RUNDC3B: variants seen among roughly 807,000 people sequenced by gnomAD.
RUNDC3B encodes the protein RUN domain containing 3B, also known as RUN domain-containing protein 3B.
In RUNDC3B, 33 loss-of-function variants were observed where a neutral mutation model predicts 58.4. The ratio of observed to expected loss-of-function variants is 0.56; its 90% CI spans 0.43 to 0.75. RUNDC3B has a LOEUF of 0.75. Among genes scored for constraint, RUNDC3B ranks in the 30% least tolerant of loss-of-function variants. RUNDC3B has a pLI of 0.00. For missense variants in RUNDC3B, 501 were observed against 535.7 expected (o/e 0.94, Z 0.64); for synonymous variants, 193 against 195.2 (o/e 0.99, Z 0.10).
intron 8 of RUNDC3B, among the ~76,000 whole-genome samples, chr7:87,779,941 T>C (rs1584189188): frequency 1.3e-5 from 2 of 152,220 alleles, no homozygotes; most frequent in Admixed American, 1.3e-4. Flanking sequence ...GCTGCATCCA[T>C]GTTGCTGCAA....
At chr7:87,812,807 A>G (rs2130943927) in intron 9 of RUNDC3B, among the ~76,000 whole-genome samples, 1 of 152,336 alleles carries the variant, frequency 6.6e-6, no homozygotes, top group African/African-American at 2.4e-5. Context: ...AGTTACTTGC[A>G]ATCTTACTGT....
intron 1 of RUNDC3B, among the ~76,000 whole-genome samples, chr7:87,640,194 A>G (rs1017307226): frequency 1.2e-4 from 18 of 144,698 alleles, no homozygotes; most frequent in Admixed American, 3.4e-4. Context: ...ATATATGTGT[A>G]TATATATATA....
chr7:87,644,383 A>G (rs1050235561), intron 1 of RUNDC3B, among the ~76,000 whole-genome samples: 2 of 152,140 alleles, frequency 1.3e-5, no homozygotes, highest in South Asian at 4.1e-4. Flanking sequence ...TAATTACCTC[A>G]CCCCTGTGTT....
chr7:87,781,492 T>G lies in RUNDC3B; in HGVS notation c.956+3537T>G, dbSNP rs543908225. Among the ~76,000 whole-genome samples, 5 of 152,236 alleles carry G rather than the reference T, an allele frequency of 3.3e-5. No individual in the cohort carries two copies. In the East Asian group the frequency reaches 9.6e-4, roughly 29 times the overall value. ...GCTTTTTATTTCTTTCTTTTTCCTATTGCTCTGGCTAGGACTTCTAGTACT... is the reference window on the plus strand; with the variant it reads ...GCTTTTTATTTCTTTCTTTTTCCTAGTGCTCTGGCTAGGACTTCTAGTACT... On this transcript the variant is annotated intron_variant, in intron 8 of 10. Transcript: ENST00000394654.
intron 4 of RUNDC3B, among the ~76,000 whole-genome samples, chr7:87,734,797 C>T (rs1831824961): frequency 6.6e-6 from 1 of 152,102 alleles, no homozygotes. Context: ...ACTCCATCTC[C>T]CAGCTACTTC....
intron 7 of RUNDC3B, among the ~76,000 whole-genome samples, chr7:87,774,432 C>G (rs914816125): frequency 1.3e-5 from 2 of 151,330 alleles, no homozygotes; most frequent in Non-Finnish European, 3.0e-5. Flanking sequence ...TTAACAAAAC[C>G]AAGAGATAAT....
Position 87,750,161 on chromosome 7 carries a change from G to C in RUNDC3B, c.629+8582G>C, listed in dbSNP as rs1349062927. Among the ~76,000 whole-genome samples, 4 of 152,010 alleles carry C rather than the reference G, an allele frequency of 2.6e-5. No homozygotes were observed. The South Asian group carries it at 6.2e-4, about 24-fold the overall frequency. The stretch of plus-strand genomic sequence containing the variant: ...TTTTGTTCTTGCGATAGTTTACTGA[G>C]AATGATGATTTCCAATTTCATCCAT... On this transcript the variant is annotated intron_variant, in intron 6 of 10. Transcript: ENST00000394654.
In RUNDC3B at chr7:87,739,831, G is replaced by A. The variant is rs750646389; in HGVS notation, c.499G>A (p.Ala167Thr). ...EDGAIVLGEEANMLAGMLLGL... is the reference protein window; with the variant it reads ...EDGAIVLGEETNMLAGMLLGL... Reference sequence around the variant, plus strand: ...TGGAGCAATTGTCTTGGGTGAAGAAGCAAATATGCTTGCTGGCATGCTTCT... The same window carrying A: ...TGGAGCAATTGTCTTGGGTGAAGAAACAAATATGCTTGCTGGCATGCTTCT... Residue 167 changes from alanine to threonine, a missense_variant, in exon 5 of 11, where the codon GCA (alanine) becomes ACA (threonine). Physicochemically the swap from Ala to Thr is moderately conservative, Grantham distance 58. Coordinates refer to ENST00000394654, the MANE Select transcript of RUNDC3B (RefSeq NM_001134405.2). The A allele has an allele frequency of 6.3e-7, 1 of 1,599,102 alleles. No homozygotes were observed. The highest frequency in any genetic ancestry group is 1.7e-5 in the Admixed American group (1 of 59,846).
intron 4 of RUNDC3B, among the ~76,000 whole-genome samples, chr7:87,724,766 T>G (rs763039564): frequency 6.6e-6 from 1 of 152,110 alleles, no homozygotes; most frequent in Non-Finnish European, 1.5e-5. Flanking sequence ...TCATAATCAT[T>G]ATTTTAATTA....
At chr7:87,822,817 T>A (rs1338008368) in intron 10 of RUNDC3B, among the ~76,000 whole-genome samples, 1 of 152,052 alleles carries the variant, frequency 6.6e-6, no homozygotes, top group African/African-American at 2.4e-5. Context: ...ATGTTCTCAC[T>A]CATAGGTGGG....
chr7:87,713,140 G>T (rs971410243), intron 4 of RUNDC3B: 1 of 152,104 alleles, frequency 6.6e-6, no homozygotes, highest in Non-Finnish European at 1.5e-5. Context: ...CAAACAATTA[G>T]AAAGAGTATT....
chr7:87,694,516 G>A (rs1465340167), intron 2 of RUNDC3B, among the ~76,000 whole-genome samples: 1 of 152,074 alleles, frequency 6.6e-6, no homozygotes, highest in African/African-American at 2.4e-5. Context: ...ATAGTAGAAC[G>A]AAAGAGAAAA....
intron 2 of RUNDC3B, among the ~76,000 whole-genome samples, chr7:87,671,641 G>T (rs1412719177): frequency 6.6e-6 from 1 of 152,060 alleles, no homozygotes; most frequent in Non-Finnish European, 1.5e-5. Context: ...TGGCCCAAAG[G>T]CACCTGTAAG....
At chr7:87,709,444 C>T (rs1829879557) in intron 3 of RUNDC3B, 1 of 985,326 alleles carries the variant, frequency 1.0e-6, no homozygotes, top group Non-Finnish European at 1.2e-6. Flanking sequence ...GCAGGTTCCC[C>T]TAGGCTTACT....
chr7:87,785,393 C>G (rs917669871), intron 8 of RUNDC3B, among the ~76,000 whole-genome samples: 1 of 152,126 alleles, frequency 6.6e-6, no homozygotes, highest in Non-Finnish European at 1.5e-5. Flanking sequence ...TCCCTCCTCA[C>G]TAGAGCTGTA....
Position 87,640,192 on chromosome 7 carries a change from G to GTATA in RUNDC3B, c.123-10616_123-10613dup, listed in dbSNP as rs772972684. Among the ~76,000 whole-genome samples, 513 of 145,446 alleles carry GTATA rather than the reference G, an allele frequency of 3.5e-3. 4 individuals carry two copies. Among genetic ancestry groups the GTATA allele is most frequent in the African/African-American group, 0.012 (481 of 39,914 alleles). ...CTAAAACATACTTATATATATATGT[G>GTATA]TATATATATATATATATTAAATCTT... On this transcript the variant is annotated intron_variant, in intron 1 of 10. Transcript: ENST00000394654.
intron 7 of RUNDC3B, among the ~76,000 whole-genome samples, chr7:87,771,860 A>T (rs1834304079): frequency 6.6e-6 from 1 of 152,232 alleles, no homozygotes; most frequent in Admixed American, 6.5e-5. Flanking sequence ...GCAATAGCAA[A>T]AATAATGACC....
At chr7:87,742,613 TA>T (rs1832396609) in intron 6 of RUNDC3B, among the ~76,000 whole-genome samples, 1 of 151,918 alleles carries the variant, frequency 6.6e-6, no homozygotes, top group Non-Finnish European at 1.5e-5. Flanking sequence ...GATAGATAGA[TA>T]GATAGATATC....
chr7:87,711,191 T>C (rs922662757), intron 4 of RUNDC3B, among the ~76,000 whole-genome samples: 2 of 151,952 alleles, frequency 1.3e-5, no homozygotes, highest in African/African-American at 4.8e-5. Flanking sequence ...CCAGGCATGG[T>C]GGTGCATGCC....
Sources: gnomAD v4.1 joint callset for allele counts (sites outside exome capture counted in the v4.1 genomes callset) on GRCh38, gnomAD v4.1.1 for gene constraint, MANE v1.5 for transcripts, NCBI Gene and HGNC (gene_info 2026-07-23, HGNC 2026-07-21) for gene names.